ZFC3H1: variants seen among roughly 807,000 people sequenced by gnomAD.
The protein encoded by ZFC3H1 is zinc finger C3H1-type containing, also known as zinc finger C3H1 domain-containing protein.
Under a neutral mutation model 243.7 loss-of-function variants are expected in ZFC3H1, and 71 were observed. That is an observed-to-expected ratio of 0.29 (90% CI 0.24 to 0.36). The LOEUF is 0.36. ZFC3H1 is among the 10% of genes least tolerant of loss of function. The probability of loss-of-function intolerance (pLI) is 1.00; values close to 1 mark genes in which losing one functional copy is unlikely to be tolerated. For synonymous variants in ZFC3H1, 838 were observed against 813.0 expected, an observed-to-expected ratio of 1.03 and a Z score of -0.52; for missense variants, 1,966 against 2,317.1, an observed-to-expected ratio of 0.85 and a Z score of 3.11.
chr12:71,628,227 T>C (rs964005268), intron 20 of ZFC3H1, among the ~76,000 whole-genome samples: 2 of 152,242 alleles, frequency 1.3e-5, no homozygotes, highest in African/African-American at 4.8e-5. Context: ...ACAGTAACTA[T>C]GATTCAACTG....
chr12:71,662,869 C>A (rs1881222380), intron 1 of ZFC3H1, 144 bp downstream of exon 1: 4 of 864,276 alleles, frequency 4.6e-6, no homozygotes, highest in African/African-American at 1.7e-5. Flanking sequence ...TGGGGAATTA[C>A]CAAAGAACAA....
intron 2 of ZFC3H1, among the ~76,000 whole-genome samples, chr12:71,651,510 TC>T (rs1592601713): frequency 6.6e-6 from 1 of 152,212 alleles, no homozygotes; most frequent in East Asian, 1.9e-4. Flanking sequence ...AATAAAGTGC[TC>T]AACTAATTTT....
At chr12:71,644,530 A>C (rs1880679013) in intron 4 of ZFC3H1, among the ~76,000 whole-genome samples, 1 of 152,232 alleles carries the variant, frequency 6.6e-6, no homozygotes, top group South Asian at 2.1e-4. Flanking sequence ...ATTCAACTAA[A>C]AGAATTTAAC....
rs1267392620 is a variant in ZFC3H1, at chr12:71,632,883, C to G, written c.2817+3G>C. Reference sequence around the variant, plus strand: ...AAGTAAAATATTTCTATAAAACCCTCACCCCAAAGCGATCTTGTTCCAGTT... The same window carrying G: ...AAGTAAAATATTTCTATAAAACCCTGACCCCAAAGCGATCTTGTTCCAGTT... On this transcript the variant is annotated splice_donor_region_variant and intron_variant, in intron 14 of 34. Coordinates refer to ENST00000378743, the MANE Select transcript of ZFC3H1 (RefSeq NM_144982.5). 1 of 1,608,300 alleles carries G rather than the reference C, an allele frequency of 6.2e-7. No individual in the cohort carries two copies. Among genetic ancestry groups the G allele is most frequent in the Non-Finnish European group, 8.5e-7 (1 of 1,178,626 alleles).
Position 71,634,728 on chromosome 12 carries a change from C to T in ZFC3H1, c.2336G>A (p.Arg779Lys). 6.3e-7 allele frequency: 1 copy of T among 1,599,034 alleles called. No homozygotes were observed. Among genetic ancestry groups the T allele is most frequent in the Non-Finnish European group, 8.5e-7 (1 of 1,174,946 alleles). ...ALPEEKKIEY[R>K]LLKEEIANRE... ...CTTGGCAATCTCTTCCTTTAACAAT[C>T]TATATTCAATCTTCTTTTCTTCAGG... Residue 779 changes from arginine (R) to lysine (K), a missense_variant, in exon 11 of 35, where the codon AGA (arginine) becomes AAA (lysine). Physicochemically the swap from Arg to Lys is conservative, Grantham distance 26. Around this residue, in one of 4 missense-constraint regions of ZFC3H1, gnomAD observed 1,383 missense variants for 1,723.7 expected, o/e 0.80. Transcript: ENST00000378743.
chr12:71,624,426 T>C, intron 22 of ZFC3H1, 134 bp from the exon 23 acceptor site: 3 of 924,918 alleles, frequency 3.2e-6, no homozygotes, highest in Non-Finnish European at 4.8e-6. Flanking sequence ...TGTAAAAATG[T>C]ATAACTCCAT....
At chr12:71,653,990 A>G (rs947037405) in intron 2 of ZFC3H1, among the ~76,000 whole-genome samples, 5 of 152,144 alleles carry the variant, frequency 3.3e-5, no homozygotes, top group Non-Finnish European at 7.4e-5. Flanking sequence ...TCCAGCCTGG[A>G]TGACAGGGAA....
intron 1 of ZFC3H1, among the ~76,000 whole-genome samples, chr12:71,661,898 T>C (rs749825468): frequency 8.5e-5 from 13 of 152,166 alleles, no homozygotes; most frequent in African/African-American, 1.2e-4. Context: ...TAAATGTACA[T>C]TCCTTGCCCC....
At chr12:71,654,202 G>A (rs1408923236) in intron 2 of ZFC3H1, among the ~76,000 whole-genome samples, 2 of 152,158 alleles carry the variant, frequency 1.3e-5, no homozygotes, top group Non-Finnish European at 2.9e-5. Context: ...CATTTTAGGA[G>A]GCTAAGGCAA....
At position 71,627,941 on chromosome 12, in the gene ZFC3H1, A is replaced by T. The variant is rs764824746; in HGVS notation, c.3947-7T>A. On this transcript the variant is annotated splice_polypyrimidine_tract_variant and splice_region_variant and intron_variant, in intron 20 of 34. Transcript: ENST00000378743. ...TGGTTCTCTGGCTGGAAAGCTATTTAAAAAAAAAGTATTATTAGCTTCACA... is the reference window on the plus strand; with the variant it reads ...TGGTTCTCTGGCTGGAAAGCTATTTTAAAAAAAAGTATTATTAGCTTCACA... 5.7e-6 allele frequency: 9 copies of T among 1,587,424 alleles called. No individual in the cohort carries two copies. In the East Asian group the frequency reaches 6.8e-5, roughly 12 times the overall value.
chr12:71,616,486 C>A (rs1879897344), intron 27 of ZFC3H1, among the ~76,000 whole-genome samples: 1 of 151,992 alleles, frequency 6.6e-6, no homozygotes, highest in Non-Finnish European at 1.5e-5. Context: ...AAATTATAGC[C>A]CCATCTTGAA....
At chr12:71,621,471 T>C (rs1036139509) in intron 24 of ZFC3H1, among the ~76,000 whole-genome samples, 32 of 152,032 alleles carry the variant, frequency 2.1e-4, no homozygotes, top group Admixed American at 3.3e-4. Context: ...GCCCGACTAG[T>C]TTTTGTATTT....
intron 1 of ZFC3H1, among the ~76,000 whole-genome samples, chr12:71,659,632 A>G (rs1881113372): frequency 6.6e-6 from 1 of 152,224 alleles, no homozygotes; most frequent in Non-Finnish European, 1.5e-5. Context: ...AAAATGCTAA[A>G]TAGAAAAATA....
Position 71,631,856 on chromosome 12 carries a change from G to A in ZFC3H1, c.3392C>T (p.Ala1131Val), listed in dbSNP as rs758572796. 2 of 1,613,602 alleles carry A rather than the reference G, an allele frequency of 1.2e-6. No individual in the cohort carries two copies. Among genetic ancestry groups the A allele is most frequent in the South Asian group, 1.1e-5 (1 of 91,024 alleles). ...CTTCACTTCCATTGTTTTACTTTGT[G>A]CTGTGACAAAATCCACATCTACAGA... ...EISVDVDFVT[A>V]QSKTMEVKPC... Residue 1131 changes from alanine to valine, a missense_variant, in exon 16 of 35, where the codon GCA becomes GTA. By Grantham distance (64) the Ala-to-Val change is moderately conservative. Coordinates refer to ENST00000378743, the MANE Select transcript of ZFC3H1 (RefSeq NM_144982.5).
At chr12:71,636,081 C>T (rs1253530222) in intron 9 of ZFC3H1, among the ~76,000 whole-genome samples, 2 of 152,100 alleles carry the variant, frequency 1.3e-5, no homozygotes, top group East Asian at 3.9e-4. Flanking sequence ...ATAATTTCTT[C>T]CATCATAGTG....
Position 71,613,346 on chromosome 12 carries a change from T to C in ZFC3H1, c.5616A>G (p.Gly1872=). 6.2e-7 allele frequency: 1 copy of C among 1,610,112 alleles called. No individual in the cohort carries two copies. The highest frequency in any genetic ancestry group is 8.5e-7 in the Non-Finnish European group (1 of 1,177,572). ...RFCSVMPANS[G]LALRLLQHEW... is the part of the protein sequence containing the mutation. The stretch of plus-strand genomic sequence containing the variant: ...TAAGTTTTTCTTACCTCAATGCAAG[T>C]CCAGAATTAGCTGGCATAACTGAAC... The change falls in exon 31 of 35, where the codon GGA becomes GGG. Residue 1872 remains glycine (G), a synonymous_variant. Coordinates refer to ENST00000378743, the MANE Select transcript of ZFC3H1 (RefSeq NM_144982.5).
rs754484100 is a variant in ZFC3H1 at position 71,620,193 on chromosome 12, T to A, written c.4850+17A>T. Reference sequence around the variant, plus strand: ...ACTTTTTAATATAAGGTTAGCTGCTTGGCAATTAAGTTGTACCTCTCCAGG... The same window carrying A: ...ACTTTTTAATATAAGGTTAGCTGCTAGGCAATTAAGTTGTACCTCTCCAGG... On this transcript the variant is annotated intron_variant, in intron 25 of 34. Coordinates refer to ENST00000378743, the MANE Select transcript of ZFC3H1 (RefSeq NM_144982.5). 5.6e-6 allele frequency: 9 copies of A among 1,613,856 alleles called. No homozygotes were observed. The African/African-American group carries it at 1.2e-4, about 22-fold the overall frequency.
At chr12:71,659,689 G>A (rs2137566741) in intron 1 of ZFC3H1, among the ~76,000 whole-genome samples, 1 of 152,192 alleles carries the variant, frequency 6.6e-6, no homozygotes. Context: ...TCTCCTTCAA[G>A]GCTAAAGAAA....
At chr12:71,657,390 C>T in intron 1 of ZFC3H1, 89 bp from the exon 2 acceptor site, 1 of 988,088 alleles carries the variant, frequency 1.0e-6, no homozygotes, top group East Asian at 2.7e-5. Context: ...AATTTTCTCC[C>T]TTTTTAATTT....
Sources: allele counts gnomAD v4.1 joint callset (sites outside exome capture counted in the v4.1 genomes callset), GRCh38; gene constraint gnomAD v4.1.1; regional missense constraint gnomAD v4.1.1; transcripts MANE v1.5; gene names NCBI Gene and HGNC (gene_info 2026-07-23, HGNC 2026-07-21).